IGSF10: variants seen among roughly 807,000 people sequenced by gnomAD.
IGSF10 encodes the protein calvaria mechanical force protein 608.
Under a neutral mutation model 128.2 loss-of-function variants are expected in IGSF10, and 126 were observed. That is an observed-to-expected ratio of 0.98 (90% CI 0.85 to 1.14). IGSF10 has a LOEUF of 1.14. Ranked by LOEUF, IGSF10 falls within the 50% of genes most tolerant of loss-of-function variation. The pLI is 0.00. For synonymous variants in IGSF10, 1,185 were observed against 1,146.2 expected, an observed-to-expected ratio of 1.03 and a Z score of -0.68; for missense variants, 3,295 against 3,149.8, an observed-to-expected ratio of 1.05 and a Z score of -1.10.
chr3:151,445,739 A>T lies in IGSF10; in HGVS notation c.4242T>A (p.Thr1414=). ...CTTCAATCACATCTGTCAGATTAAGAGTTCTTGAATGAAAACTGATTGTGC... is the reference window on the plus strand; with the variant it reads ...CTTCAATCACATCTGTCAGATTAAGTGTTCTTGAATGAAAACTGATTGTGC... The part of the protein sequence containing the change: ...ISSTISFHSR[T]LNLTDVIEEL... The change falls in exon 6 of 8, where the codon ACT becomes ACA. Residue 1414 remains threonine, a synonymous_variant. Coordinates refer to ENST00000282466, the MANE Select transcript of IGSF10 (RefSeq NM_178822.5). 1 of 1,614,008 alleles carries T rather than the reference A, an allele frequency of 6.2e-7. No individual in the cohort carries two copies. Among genetic ancestry groups the T allele is most frequent in the Non-Finnish European group, 8.5e-7 (1 of 1,180,022 alleles).
chr3:151,514,231 G>C, the IGSF10 span, among the ~76,000 whole-genome samples: 124 of 152,170 alleles, frequency 8.1e-4, no homozygotes, highest in Non-Finnish European at 1.4e-3. Flanking sequence ...ATACTACAAG[G>C]TTACAGTAAC....
At chr3:151,618,578 A>C in the IGSF10 span, among the ~76,000 whole-genome samples, 1 of 151,606 alleles carries the variant, frequency 6.6e-6, no homozygotes, top group East Asian at 1.9e-4. Flanking sequence ...AAAATACAAA[A>C]AATTAGCCGG....
At chr3:151,616,541 C>T in the IGSF10 span, among the ~76,000 whole-genome samples, 2 of 151,788 alleles carry the variant, frequency 1.3e-5, no homozygotes, top group Non-Finnish European at 2.9e-5. Flanking sequence ...ATACTTAGGC[C>T]CCTTTAAAGG....
At chr3:151,599,219 GT>G in the IGSF10 span, among the ~76,000 whole-genome samples, 2 of 151,592 alleles carry the variant, frequency 1.3e-5, no homozygotes, top group Non-Finnish European at 2.9e-5. Context: ...TCAAGAAGTT[GT>G]TCAGAGTTGT....
At chr3:151,492,774 C>T in the IGSF10 span, among the ~76,000 whole-genome samples, 1 of 127,604 alleles carries the variant, frequency 7.8e-6, no homozygotes, top group East Asian at 2.0e-4. Context: ...TCATATGACA[C>T]AGCAATCTTT....
At position 151,445,125 on chromosome 3, in the gene IGSF10, C is replaced by T. The variant is rs1454332982; in HGVS notation, c.4856G>A (p.Ser1619Asn). 2 of 1,614,018 alleles carry T rather than the reference C, an allele frequency of 1.2e-6. No individual in the cohort carries two copies. The highest frequency in any genetic ancestry group is 1.7e-6 in the Non-Finnish European group (2 of 1,180,028). The change falls in exon 6 of 8, where the codon AGT becomes AAT. Residue 1619 changes from serine to asparagine, a missense_variant. Coordinates refer to ENST00000282466, the MANE Select transcript of IGSF10 (RefSeq NM_178822.5). ...TTGAACTGGTTTCTTATCAAAGTCA[C>T]TCTTCTTTGTGTTCTTCTGTCCATC... is the stretch of plus-strand genomic sequence containing the variant. ...DWDGQKNTKK[S>N]DFDKKPVQEA...
At chr3:151,512,632 T>C in the IGSF10 span, among the ~76,000 whole-genome samples, 1 of 151,538 alleles carries the variant, frequency 6.6e-6, no homozygotes, top group South Asian at 2.1e-4. Flanking sequence ...CTGAAGGAAA[T>C]AGAGACACAA....
chr3:151,432,786 G>T, downstream of IGSF10: 1 of 1,612,798 alleles, frequency 6.2e-7, no homozygotes, highest in Non-Finnish European at 8.5e-7. Flanking sequence ...CTCCGTATGG[G>T]CATCCTTCAC....
chr3:151,451,676 G>A (rs957122400), intron 5 of IGSF10, among the ~76,000 whole-genome samples: 2 of 152,174 alleles, frequency 1.3e-5, no homozygotes, highest in African/African-American at 4.8e-5. Context: ...TATAAAGACT[G>A]TCATAGCTAT....
chr3:151,447,747 G>C lies in IGSF10; in HGVS notation c.2234C>G (p.Pro745Arg). The change falls in exon 6 of 8, where the codon CCT (proline) becomes CGT (arginine). Residue 745 changes from proline (P) to arginine (R), a missense_variant. Pro to Arg is a moderately radical substitution (Grantham distance 103, BLOSUM62 -2). Transcript: ENST00000282466. Reference sequence around the variant, plus strand: ...TGGGTCAATTCTCCTAGCAGAGGGAGGGAAATGCCTCCTATTCTCCCTAAA... The same window carrying C: ...TGGGTCAATTCTCCTAGCAGAGGGACGGAAATGCCTCCTATTCTCCCTAAA... ...RRFRENRRHF[P>R]PSARRIDPQH... 10 of 1,614,148 alleles carry C rather than the reference G, an allele frequency of 6.2e-6. No homozygotes were observed. The highest frequency in any genetic ancestry group is 8.5e-6 in the Non-Finnish European group (10 of 1,180,026).
chr3:151,568,988 T>C, the IGSF10 span, among the ~76,000 whole-genome samples: 1 of 151,880 alleles, frequency 6.6e-6, no homozygotes, highest in Non-Finnish European at 1.5e-5. Flanking sequence ...AACGGAGGAG[T>C]ATGAAGTCTG....
chr3:151,569,260 C>T, the IGSF10 span, among the ~76,000 whole-genome samples: 3 of 152,102 alleles, frequency 2.0e-5, no homozygotes, highest in Non-Finnish European at 4.4e-5. Context: ...TTAGTAGAGA[C>T]GGGGTGTCGC....
chr3:151,572,931 T>C, the IGSF10 span, among the ~76,000 whole-genome samples: 1 of 152,340 alleles, frequency 6.6e-6, no homozygotes, highest in African/African-American at 2.4e-5. Flanking sequence ...CGTTGTGTCT[T>C]TGTTCTCATT....
chr3:151,532,396 A>G, the IGSF10 span, among the ~76,000 whole-genome samples: 1 of 152,222 alleles, frequency 6.6e-6, no homozygotes, highest in Non-Finnish European at 1.5e-5. Flanking sequence ...TCAGGCCAGT[A>G]TCCCTGATGA....
the IGSF10 span, among the ~76,000 whole-genome samples, chr3:151,494,988 T>C: frequency 6.6e-6 from 1 of 152,108 alleles, no homozygotes; most frequent in African/African-American, 2.4e-5. Flanking sequence ...AAGAATAAAT[T>C]GAGAGCCCAG....
At chr3:151,543,564 T>C in the IGSF10 span, among the ~76,000 whole-genome samples, 1 of 152,198 alleles carries the variant, frequency 6.6e-6, no homozygotes, top group African/African-American at 2.4e-5. Context: ...TGAACAGCTT[T>C]GCTTGCTCTC....
At chr3:151,561,933 G>A in the IGSF10 span, among the ~76,000 whole-genome samples, 373 of 152,174 alleles carry the variant, frequency 2.5e-3, 2 homozygotes, top group African/African-American at 8.4e-3. Context: ...TAGCCTTGAC[G>A]TTCTTCTGGT....
chr3:151,490,404 T>A, the IGSF10 span, among the ~76,000 whole-genome samples: 2 of 152,036 alleles, frequency 1.3e-5, no homozygotes, highest in Admixed American at 6.6e-5. Context: ...AAGGGAGACA[T>A]AGACAGCAAT....
chr3:151,496,593 C>G, the IGSF10 span, among the ~76,000 whole-genome samples: 52 of 114,200 alleles, frequency 4.6e-4, no homozygotes, highest in African/African-American at 1.6e-3. Flanking sequence ...GGACATTTGG[C>G]TTGGTTCCAA....
Sources: gnomAD v4.1 joint callset for allele counts (sites outside exome capture counted in the v4.1 genomes callset) on GRCh38, gnomAD v4.1.1 for gene constraint, MANE v1.5 for transcripts, NCBI Gene and HGNC (gene_info 2026-07-23, HGNC 2026-07-21) for gene names.